RHEB: variants seen among roughly 807,000 people sequenced by gnomAD.
RHEB encodes the protein GTP-binding protein Rheb.
A neutral mutation model predicts 28.8 loss-of-function variants in RHEB; 2 were observed. The ratio of observed to expected loss-of-function variants is 0.07; its 90% CI spans 0.03 to 0.22. RHEB has a LOEUF of 0.22. RHEB is among the 10% of genes least tolerant of loss of function. The pLI, the probability that RHEB is intolerant of heterozygous loss-of-function variation, is 1.00. For missense variants in RHEB, 76 were observed against 219.9 expected (o/e 0.35, Z 4.14); for synonymous variants, 69 against 77.3 (o/e 0.89, Z 0.56).
chr7:151,505,910 T>C (rs564091876), intron 1 of RHEB, among the ~76,000 whole-genome samples: 1 of 152,130 alleles, frequency 6.6e-6, no homozygotes, highest in African/African-American at 2.4e-5. Context: ...TATGATTCGA[T>C]GTATGTGAAA....
At chr7:151,512,125 T>C (rs943151646) in intron 1 of RHEB, among the ~76,000 whole-genome samples, 6 of 152,234 alleles carry the variant, frequency 3.9e-5, no homozygotes, top group Non-Finnish European at 5.9e-5. Context: ...CCTTCAAGTA[T>C]GATCCCTAAA....
At chr7:151,478,133 G>T (rs931541257) in intron 3 of RHEB, among the ~76,000 whole-genome samples, 3 of 152,112 alleles carry the variant, frequency 2.0e-5, no homozygotes, top group Non-Finnish European at 2.9e-5. Context: ...CTTTATATAC[G>T]TATTAAAGCA....
At chr7:151,511,094 A>T (rs1272872487) in intron 1 of RHEB, among the ~76,000 whole-genome samples, 1 of 152,248 alleles carries the variant, frequency 6.6e-6, no homozygotes, top group East Asian at 1.9e-4. Context: ...TAAAAAATAA[A>T]AAAAAAAATA....
intron 4 of RHEB, 146 bp from the exon 5 acceptor site, chr7:151,471,751 T>C (rs571158918): frequency 1.6e-6 from 1 of 610,380 alleles, no homozygotes; most frequent in Admixed American, 3.3e-5. Context: ...CTCCTGTTTT[T>C]TCCTAGCAAT....
chr7:151,497,011 G>C (rs531431773), intron 1 of RHEB, among the ~76,000 whole-genome samples: 1 of 148,418 alleles, frequency 6.7e-6, no homozygotes, highest in African/African-American at 2.5e-5. Flanking sequence ...GGATGGTCTC[G>C]ATCCCTGGTC....
At position 151,519,478 on chromosome 7, in the gene RHEB, G is replaced by A. The variant is rs1803142503; in HGVS notation, c.34C>T (p.Leu12=). 7 of 1,551,748 alleles carry A rather than the reference G, an allele frequency of 4.5e-6. No homozygotes were observed. The South Asian group carries it at 4.7e-5, about 10-fold the overall frequency. Residue 12 remains leucine (L), a synonymous_variant, in exon 1 of 8, where the codon CTG becomes TTG. Transcript: ENST00000262187. The stretch of plus-strand genomic sequence containing the variant: ...CACTCACCCACAGACCGGTAGCCCA[G>A]GATCGCGATCTTCCGGGACTTGGAC... ...PQSKSRKIAI[L]GYRSVGKSSL... is the part of the protein sequence containing the mutation.
chr7:151,513,263 C>T (rs1262055605), intron 1 of RHEB, among the ~76,000 whole-genome samples: 1 of 152,138 alleles, frequency 6.6e-6, no homozygotes, highest in African/African-American at 2.4e-5. Flanking sequence ...TTTTTACTTG[C>T]AAGAATGATG....
chr7:151,489,644 T>A (rs1802543746), intron 2 of RHEB, among the ~76,000 whole-genome samples: 1 of 152,232 alleles, frequency 6.6e-6, no homozygotes, highest in African/African-American at 2.4e-5. Context: ...TCTCTGCTCT[T>A]ACTATTCAAC....
At chr7:151,498,160 G>A (rs750604190) in intron 1 of RHEB, 15 of 1,289,684 alleles carry the variant, frequency 1.2e-5, no homozygotes, top group Middle Eastern at 4.3e-4. Context: ...CAACAGGTGC[G>A]TAGGTCCTGG....
chr7:151,491,736 C>CA (rs11324430), intron 1 of RHEB, among the ~76,000 whole-genome samples: 103 of 141,768 alleles, frequency 7.3e-4, no homozygotes, highest in East Asian at 1.4e-3. Context: ...GACCCTGTGT[C>CA]AAAAAAAAAA....
chr7:151,477,828 A>G (rs542793481), intron 3 of RHEB, among the ~76,000 whole-genome samples: 53 of 152,082 alleles, frequency 3.5e-4, no homozygotes, highest in Middle Eastern at 3.4e-3. Context: ...CTGGCATATT[A>G]TTTGATTTAT....
chr7:151,478,121 T>C (rs1802302967), intron 3 of RHEB, among the ~76,000 whole-genome samples: 1 of 152,244 alleles, frequency 6.6e-6, no homozygotes, highest in Non-Finnish European at 1.5e-5. Flanking sequence ...TATGACACTT[T>C]GCTTTATATA....
At chr7:151,506,796 T>C (rs1242158594) in intron 1 of RHEB, among the ~76,000 whole-genome samples, 5 of 152,252 alleles carry the variant, frequency 3.3e-5, no homozygotes, top group Non-Finnish European at 7.3e-5. Context: ...CTCATGGTTC[T>C]ACAGTCAACG....
intron 1 of RHEB, among the ~76,000 whole-genome samples, chr7:151,512,173 G>A (rs998931507): frequency 6.6e-6 from 1 of 152,158 alleles, no homozygotes; most frequent in Non-Finnish European, 1.5e-5. Flanking sequence ...TCATGTGCAA[G>A]TTCAGTTCTG....
At chr7:151,478,977 T>C (rs961965406) in intron 3 of RHEB, among the ~76,000 whole-genome samples, 3 of 152,024 alleles carry the variant, frequency 2.0e-5, no homozygotes, top group African/African-American at 7.2e-5. Context: ...TCACCCAGCC[T>C]GGAGTGCAGT....
intron 2 of RHEB, among the ~76,000 whole-genome samples, chr7:151,485,605 A>G (rs1046603373): frequency 2.0e-5 from 3 of 152,242 alleles, no homozygotes; most frequent in Admixed American, 6.5e-5. Flanking sequence ...TGGCCGTCCT[A>G]TATGACTAGA....
At chr7:151,483,745 A>G (rs979545315) in intron 3 of RHEB, among the ~76,000 whole-genome samples, 2 of 152,192 alleles carry the variant, frequency 1.3e-5, no homozygotes, top group African/African-American at 4.8e-5. Flanking sequence ...TTAGGAGCTG[A>G]AATCCCAGCT....
In RHEB at chr7:151,467,114, C is replaced by T. The variant is rs1342938335; in HGVS notation, c.*5G>A. The T allele has an allele frequency of 1.0e-5, 16 of 1,606,210 alleles. No homozygotes were observed. The highest frequency in any genetic ancestry group is 1.3e-5 in the Non-Finnish European group (15 of 1,173,004). On this transcript the variant is annotated 3_prime_UTR_variant, in exon 8 of 8. Transcript: ENST00000262187. Reference sequence around the variant, plus strand: ...TTCCCAGTGTCCTCAGGCTTTGCAGCAGAATCACATCACCGAGCATGAAGA... The same window carrying T: ...TTCCCAGTGTCCTCAGGCTTTGCAGTAGAATCACATCACCGAGCATGAAGA...
intron 1 of RHEB, among the ~76,000 whole-genome samples, chr7:151,503,949 G>GA (rs1563099943): frequency 1.3e-5 from 2 of 152,152 alleles, no homozygotes; most frequent in Non-Finnish European, 2.9e-5. Context: ...GACTGCATAA[G>GA]AAATAGATGT....
Sources: allele counts gnomAD v4.1 joint callset (sites outside exome capture counted in the v4.1 genomes callset), GRCh38; gene constraint gnomAD v4.1.1; transcripts MANE v1.5; gene names NCBI Gene and HGNC (gene_info 2026-07-23, HGNC 2026-07-21).